Variants in DYNC2H1 observed in about 807,000 individuals in gnomAD.
DYNC2H1 encodes the protein cytoplasmic dynein 2 heavy chain 1.
DYNC2H1 carries 410 observed loss-of-function variants against 570.0 expected under a neutral mutation model. That is an observed-to-expected ratio of 0.72 (90% CI 0.66 to 0.78). The LOEUF is 0.78. DYNC2H1 is among the 30% of genes least tolerant of loss of function. DYNC2H1 has a pLI of 0.00. For synonymous variants in DYNC2H1, 1,688 were observed against 1,677.6 expected (o/e 1.01, Z -0.15); for missense variants, 4,865 against 5,046.4 (o/e 0.96, Z 1.09).
intron 85 of DYNC2H1, among the ~76,000 whole-genome samples, chr11:103,451,118 C>T (rs1944582605): frequency 6.6e-6 from 1 of 151,798 alleles, no homozygotes; most frequent in Non-Finnish European, 1.5e-5. Context: ...TTTTTATTGG[C>T]TGTGTAATTT....
chr11:103,318,086 G>A (rs1937961290), intron 80 of DYNC2H1, among the ~76,000 whole-genome samples: 1 of 152,188 alleles, frequency 6.6e-6, no homozygotes, highest in African/African-American at 2.4e-5. Flanking sequence ...AGGATGGACA[G>A]CTAGGATGTG....
intron 82 of DYNC2H1, among the ~76,000 whole-genome samples, chr11:103,349,362 A>G (rs1469835038): frequency 6.6e-6 from 1 of 152,178 alleles, no homozygotes; most frequent in African/African-American, 2.4e-5. Flanking sequence ...TATACATGAT[A>G]TAGTGCATTT....
intron 66 of DYNC2H1, 92 bp from the exon 67 acceptor site, chr11:103,255,323 T>C: frequency 2.2e-6 from 3 of 1,335,208 alleles, no homozygotes; most frequent in Non-Finnish European, 3.0e-6. Flanking sequence ...ATATTTGTAA[T>C]AGTCTGTCAA....
At position 103,176,306 on chromosome 11, in the gene DYNC2H1, A is replaced by G. The variant is rs1861807229; in HGVS notation, c.5746A>G (p.Thr1916Ala). 6.4e-7 allele frequency: 1 copy of G among 1,555,054 alleles called. No individual in the cohort carries two copies. The highest frequency in any genetic ancestry group is 2.0e-5 in the Admixed American group (1 of 51,172). Residue 1916 changes from threonine to alanine, a missense_variant, in exon 37 of 89, where the codon ACC (threonine) becomes GCC (alanine). Physicochemically the swap from Thr to Ala is moderately conservative, Grantham distance 58 (BLOSUM62 0). Transcript: ENST00000375735. Reference sequence around the variant, plus strand: ...GTCAAAGTTTACGTTTACTGATTGCACCCGGTTTGATGCACTGATAAAAGA... The same window carrying G: ...GTCAAAGTTTACGTTTACTGATTGCGCCCGGTTTGATGCACTGATAAAAGA... ...TMSKFTFTDC[T>A]RFDALIKDVF...
At position 103,222,996 on chromosome 11, in the gene DYNC2H1, C is replaced by T; in HGVS notation, c.9263C>T (p.Pro3088Leu). 6.2e-7 allele frequency: 1 copy of T among 1,613,456 alleles called. No individual in the cohort carries two copies. Reference protein sequence around the residue: ...NAKRASTAAAPLAAWVKANIQ... With the variant: ...NAKRASTAAALLAAWVKANIQ... ...AAGCGTGCCAGTACTGCAGCTGCAC[C>T]TTTGGCTGCCTGGGTGAAAGCCAAT... is the stretch of plus-strand genomic sequence containing the variant. Residue 3088 changes from proline (P) to leucine (L), a missense_variant, in exon 59 of 89, where the codon CCT (proline) becomes CTT (leucine). Physicochemically the swap from Pro to Leu is moderately conservative, Grantham distance 98. This residue lies in a region of DYNC2H1 where 2,401 missense variants were observed against 2,454.6 expected (regional missense o/e 0.98). Coordinates refer to ENST00000375735, the MANE Select transcript of DYNC2H1 (RefSeq NM_001377.3).
At chr11:103,266,384 G>A (rs913345410) in intron 70 of DYNC2H1, among the ~76,000 whole-genome samples, 1 of 152,128 alleles carries the variant, frequency 6.6e-6, no homozygotes, top group Non-Finnish European at 1.5e-5. Context: ...GTGGGTGCAG[G>A]TGGGTGCCTT....
chr11:103,170,143 A>G lies in DYNC2H1; in HGVS notation c.5004A>G (p.Thr1668=). The G allele has an allele frequency of 6.2e-7, 1 of 1,613,032 alleles. No individual in the cohort carries two copies. Among genetic ancestry groups the G allele is most frequent in the Non-Finnish European group, 8.5e-7 (1 of 1,179,402 alleles). The change falls in exon 33 of 89, where the codon ACA becomes ACG. Residue 1668 remains threonine (T), a synonymous_variant. Transcript: ENST00000375735. The surrounding 1 kb of genome is among the most constrained non-coding windows in gnomAD (Gnocchi z 4.8). ...NASKLVYTPL[T]DKCYLTLTQA... ...CCAAACTGGTTTATACTCCACTGAC[A>G]GACAAGTGCTACTTAACTCTCACTC...
At position 103,135,853 on chromosome 11, in the gene DYNC2H1, A is replaced by G. The variant is rs201224700; in HGVS notation, c.2479A>G (p.Ile827Val). The change falls in exon 17 of 89, where the codon ATT becomes GTT. Residue 827 changes from isoleucine to valine, a missense_variant. Around this residue, in one of 5 missense-constraint regions of DYNC2H1, gnomAD observed 1,936 missense variants for 1,962.1 expected, o/e 0.99. Transcript: ENST00000375735. ...GEAGDESIFSIMIDRNASGFL... is the reference protein window; with the variant it reads ...GEAGDESIFSVMIDRNASGFL... ...GGCAGGAGATGAATCTATTTTTTCT[A>G]TTATGATTGATAGAAATGCAAGTGG... 7.0e-5 allele frequency: 113 copies of G among 1,613,032 alleles called. No homozygotes were observed. Among genetic ancestry groups the G allele is most frequent in the Admixed American group, 2.3e-4 (14 of 59,838 alleles).
rs934757685 is a variant in DYNC2H1, at chr11:103,261,901, C to T, written c.10695+1924C>T. ...AGAAGGTGGGTAATAACAGACTCCT[C>T]CAAGCTAAAGGAGCATGTTCCAACC... On this transcript the variant is annotated intron_variant, in intron 70 of 88. Coordinates refer to ENST00000375735, the MANE Select transcript of DYNC2H1 (RefSeq NM_001377.3). This position sits in a 1 kb window ranked among gnomAD's most constrained non-coding sequence, Gnocchi z 4.8. Among the ~76,000 whole-genome samples, 9 of 152,064 alleles carry T rather than the reference C, an allele frequency of 5.9e-5. No individual in the cohort carries two copies. The highest frequency in any genetic ancestry group is 2.2e-4 in the African/African-American group (9 of 41,380).
intron 52 of DYNC2H1, among the ~76,000 whole-genome samples, chr11:103,206,836 A>G (rs1862944926): frequency 1.3e-5 from 2 of 152,114 alleles, no homozygotes; most frequent in African/African-American, 2.4e-5. Flanking sequence ...GATTGGAGAC[A>G]ATGAATGTGG....
Position 103,393,824 on chromosome 11 carries a change from G to A in DYNC2H1, c.12157-5839G>A, listed in dbSNP as rs536708198. Among the ~76,000 whole-genome samples, 4 of 152,324 alleles carry A rather than the reference G, an allele frequency of 2.6e-5. No homozygotes were observed. The South Asian group carries it at 8.3e-4, about 32-fold the overall frequency. On this transcript the variant is annotated intron_variant, in intron 83 of 88. Transcript: ENST00000375735. ...CAGTCATGGCGGAAGGCGAGGAGGAGTTAAGTCACTTCTTATGTGGATGCG... is the reference window on the plus strand; with the variant it reads ...CAGTCATGGCGGAAGGCGAGGAGGAATTAAGTCACTTCTTATGTGGATGCG...
chr11:103,137,394 A>G (rs1859626072), intron 17 of DYNC2H1, among the ~76,000 whole-genome samples: 3 of 151,766 alleles, frequency 2.0e-5, no homozygotes, highest in Admixed American at 6.6e-5. Flanking sequence ...ATCTTGAATT[A>G]ATTTTTGTAT....
intron 84 of DYNC2H1, among the ~76,000 whole-genome samples, chr11:103,428,971 A>C (rs1294295688): frequency 6.6e-6 from 1 of 151,922 alleles, no homozygotes; most frequent in Non-Finnish European, 1.5e-5. Context: ...TTTTAATTGA[A>C]AAAATCTGGC....
In DYNC2H1 at chr11:103,354,176, C is replaced by CAAA. The variant is rs1491521917; in HGVS notation, c.12040-4065_12040-4063dup. Among the ~76,000 whole-genome samples, 8 of 50,910 alleles carry CAAA rather than the reference C, an allele frequency of 1.6e-4. No homozygotes were observed. In the East Asian group the frequency reaches 1.6e-3, roughly 10 times the overall value. 33.4% of individuals were successfully genotyped at this position (50,910 alleles called of 152,430 possible). A position where few individuals can be genotyped will look rare whatever the true frequency, so the allele number is the denominator to read the frequency against. ...TGGGTGACAGAGCCAGGCTCTGTCT[C>CAAA]AAAACAAAAAAAAAAAAAAAAAAAA... On this transcript the variant is annotated intron_variant, in intron 82 of 88. Coordinates refer to ENST00000375735, the MANE Select transcript of DYNC2H1 (RefSeq NM_001377.3).
chr11:103,456,331 T>G lies in DYNC2H1; in HGVS notation c.12623T>G (p.Leu4208Arg), dbSNP rs755814368. ...LKFVASWKGR[L>R]QEAKLQIKIS... Reference sequence around the variant, plus strand: ...TTTGTAGCCTCATGGAAAGGTCGACTGCAAGAAGCAAAGCTACAAATTAAG... The same window carrying G: ...TTTGTAGCCTCATGGAAAGGTCGACGGCAAGAAGCAAAGCTACAAATTAAG... The change falls in exon 87 of 89, where the codon CTG becomes CGG. Residue 4208 changes from leucine (L) to arginine (R), a missense_variant. This residue lies in a region of DYNC2H1 where 2,401 missense variants were observed against 2,454.6 expected (regional missense o/e 0.98). Transcript: ENST00000375735. 19 of 1,606,490 alleles carry G rather than the reference T, an allele frequency of 1.2e-5. No homozygotes were observed. Among genetic ancestry groups the G allele is most frequent in the Non-Finnish European group, 1.5e-5 (18 of 1,176,090 alleles).
chr11:103,260,554 A>G (rs1865232282), intron 70 of DYNC2H1, among the ~76,000 whole-genome samples: 1 of 152,152 alleles, frequency 6.6e-6, no homozygotes, highest in Admixed American at 6.5e-5. Context: ...AGAAGAGAAC[A>G]CACATCGGAC....
intron 75 of DYNC2H1, among the ~76,000 whole-genome samples, chr11:103,302,813 C>T (rs1174747912): frequency 6.6e-6 from 1 of 152,006 alleles, no homozygotes; most frequent in African/African-American, 2.4e-5. Flanking sequence ...CAATTTACAA[C>T]ACAGATGTTA....
chr11:103,243,832 C>G lies in DYNC2H1; in HGVS notation c.9918+41C>G. 7.0e-7 allele frequency: 1 copy of G among 1,438,816 alleles called. No homozygotes were observed. The allele number at this position is 1,438,816 out of a possible 1,614,324, so 89.1% of individuals were successfully genotyped here. On this transcript the variant is annotated intron_variant, in intron 64 of 88. Transcript: ENST00000375735. This position sits in a 1 kb window ranked among gnomAD's most constrained non-coding sequence, Gnocchi z 4.8. ...AATTTACATACCAATTAGGAATGACCTCTTATAGTGAAAAGATCTTGGAGT... is the reference window on the plus strand; with the variant it reads ...AATTTACATACCAATTAGGAATGACGTCTTATAGTGAAAAGATCTTGGAGT...
At chr11:103,408,777 A>G (rs1942971145) in intron 84 of DYNC2H1, among the ~76,000 whole-genome samples, 1 of 152,016 alleles carries the variant, frequency 6.6e-6, no homozygotes, top group Non-Finnish European at 1.5e-5. Context: ...TTGGGTCAAT[A>G]TATGTTAACT....
Sources: allele counts gnomAD v4.1 joint callset (sites outside exome capture counted in the v4.1 genomes callset), GRCh38; gene constraint gnomAD v4.1.1; regional missense constraint gnomAD v4.1.1; non-coding constraint Gnocchi (gnomAD v3.1); transcripts MANE v1.5; gene names NCBI Gene and HGNC (gene_info 2026-07-23, HGNC 2026-07-21).